Variants in TM4SF4 observed in about 807,000 individuals in gnomAD.
TM4SF4 encodes transmembrane 4 L6 family member 4.
A neutral mutation model predicts 24.1 loss-of-function variants in TM4SF4; 24 were observed. That is an observed-to-expected ratio of 1.00 (90% CI 0.72 to 1.40). TM4SF4 has a LOEUF of 1.40. Among genes scored for constraint, TM4SF4 ranks in the 40% most tolerant of loss-of-function variants. The probability of loss-of-function intolerance (pLI) is 0.00; values close to 1 mark genes in which losing one functional copy is unlikely to be tolerated. For synonymous variants in TM4SF4, 113 were observed against 97.0 expected (o/e 1.17, Z -0.97); for missense variants, 254 against 254.2 (o/e 1.00, Z 0.01).
chr3:149,491,383 T>C (rs951569534), intron 3 of TM4SF4, among the ~76,000 whole-genome samples: 7 of 151,962 alleles, frequency 4.6e-5, no homozygotes, highest in African/African-American at 1.7e-4. Flanking sequence ...GGAGGATCGT[T>C]TGGGCCCAGG....
At chr3:149,479,662 G>A (rs550645187) in intron 2 of TM4SF4, among the ~76,000 whole-genome samples, 1 of 152,302 alleles carries the variant, frequency 6.6e-6, no homozygotes, top group Admixed American at 6.5e-5. Flanking sequence ...TCGGGGACAC[G>A]GGGCTTCTGT....
At position 149,503,279 on chromosome 3, in the gene TM4SF4, C is replaced by T. The variant is rs915660080; in HGVS notation, c.*586C>T. 1 of 151,898 alleles carries T rather than the reference C, an allele frequency of 6.6e-6. No homozygotes were observed. Among genetic ancestry groups the T allele is most frequent in the South Asian group, 2.1e-4 (1 of 4,806 alleles). 9.4% of individuals were successfully genotyped at this position (151,898 alleles called of 1,614,324 possible). A position where few individuals can be genotyped will look rare whatever the true frequency, so the allele number is the denominator to read the frequency against. ...AATTAAAACCTGAATTCAGAGGTAA[C>T]GTAACAAAGATTGTGTGTGTTTTAG... On this transcript the variant is annotated 3_prime_UTR_variant, in exon 5 of 5. Coordinates refer to ENST00000305354, the MANE Select transcript of TM4SF4 (RefSeq NM_004617.4).
chr3:149,488,377 C>T (rs1266365510), intron 3 of TM4SF4, among the ~76,000 whole-genome samples: 1 of 152,124 alleles, frequency 6.6e-6, no homozygotes, highest in African/African-American at 2.4e-5. Context: ...TACTCTGTGC[C>T]AAGGCAGGCT....
intron 3 of TM4SF4, among the ~76,000 whole-genome samples, chr3:149,493,148 G>A (rs1734244132): frequency 6.6e-6 from 1 of 152,110 alleles, no homozygotes; most frequent in Admixed American, 6.5e-5. Flanking sequence ...TGAATATAAA[G>A]TATTATGGTA....
chr3:149,501,252 T>C (rs575675336), intron 4 of TM4SF4, among the ~76,000 whole-genome samples: 2 of 152,188 alleles, frequency 1.3e-5, no homozygotes, highest in Non-Finnish European at 2.9e-5. Context: ...ATGGACTCCA[T>C]GGTTATCAGT....
rs772701256 is a variant in TM4SF4 at position 149,475,792 on chromosome 3, ACT to A, written c.175-24_175-23del. Reference sequence around the variant, plus strand: ...CTCGGGCCCTCCCTTCAACTCCTGGACTCTCTCTGAGGTGCCTCTTCTCCTGG... The same window carrying A: ...CTCGGGCCCTCCCTTCAACTCCTGGACTCTCTGAGGTGCCTCTTCTCCTGG... On this transcript the variant is annotated intron_variant, in intron 1 of 4. Transcript: ENST00000305354. 1.9e-6 allele frequency: 3 copies of A among 1,574,638 alleles called. No individual in the cohort carries two copies. The Admixed American group carries it at 5.5e-5, about 29-fold the overall frequency.
intron 2 of TM4SF4, 128 bp from the exon 3 acceptor site, chr3:149,487,491 C>A: frequency 9.0e-7 from 1 of 1,114,490 alleles, no homozygotes; most frequent in Non-Finnish European, 1.3e-6. Flanking sequence ...GCCCCATCTA[C>A]TATAAAGACT....
chr3:149,475,951 G>C (rs1316530541), intron 2 of TM4SF4, 39 bp downstream of exon 2: 3 of 1,553,946 alleles, frequency 1.9e-6, no homozygotes, highest in Non-Finnish European at 2.6e-6. Flanking sequence ...AATTACTCCA[G>C]GGTGCTCTGT....
chr3:149,488,553 G>A (rs1231950467), intron 3 of TM4SF4, among the ~76,000 whole-genome samples: 1 of 152,162 alleles, frequency 6.6e-6, no homozygotes, highest in Non-Finnish European at 1.5e-5. Flanking sequence ...GCCATATGGA[G>A]CTATTTAAAC....
intron 2 of TM4SF4, among the ~76,000 whole-genome samples, chr3:149,484,358 T>C (rs115966598): frequency 0.034 from 4,815 of 140,276 alleles, 86 homozygotes; most frequent in Middle Eastern, 0.07. Flanking sequence ...AGTGTGCTTA[T>C]TTTAGAATGC....
chr3:149,486,695 G>T (rs1734121795), intron 2 of TM4SF4, among the ~76,000 whole-genome samples: 1 of 152,086 alleles, frequency 6.6e-6, no homozygotes, highest in Non-Finnish European at 1.5e-5. Context: ...TTAAAAGAAT[G>T]GAATTTTTTG....
chr3:149,493,482 A>G (rs1046361317), intron 3 of TM4SF4, among the ~76,000 whole-genome samples: 3 of 152,164 alleles, frequency 2.0e-5, no homozygotes, highest in Non-Finnish European at 2.9e-5. Flanking sequence ...TAAAATGGGT[A>G]TATGTTCATT....
intron 2 of TM4SF4, among the ~76,000 whole-genome samples, chr3:149,486,933 AG>A (rs1306823063): frequency 1.3e-5 from 2 of 152,194 alleles, no homozygotes; most frequent in African/African-American, 4.8e-5. Flanking sequence ...GACTGGCCTT[AG>A]CAGGATAATT....
intron 3 of TM4SF4, among the ~76,000 whole-genome samples, chr3:149,488,559 T>TAAACTCAA (rs1331293817): frequency 1.3e-5 from 2 of 152,218 alleles, no homozygotes; most frequent in Non-Finnish European, 2.9e-5. Flanking sequence ...TGGAGCTATT[T>TAAACTCAA]AAACTCAAAT....
intron 3 of TM4SF4, chr3:149,495,841 A>G (rs138844282): frequency 5.3e-5 from 10 of 188,002 alleles, no homozygotes; most frequent in Non-Finnish European, 1.1e-4. Context: ...TGGGAAGCCC[A>G]TGTGTGTTGA....
intron 2 of TM4SF4, among the ~76,000 whole-genome samples, chr3:149,483,497 A>G (rs34358037): frequency 0.36 from 53,781 of 150,590 alleles, 10,133 homozygotes; most frequent in Non-Finnish European, 0.43. Flanking sequence ...AGTATTTTCC[A>G]AAGTGTTTTC....
chr3:149,495,582 T>C, intron 3 of TM4SF4: 1 of 355,656 alleles, frequency 2.8e-6, no homozygotes, highest in Non-Finnish European at 5.7e-6. Flanking sequence ...CAAAGATTTT[T>C]GTAATGGCAA....
Position 149,498,800 on chromosome 3 carries a change from C to G in TM4SF4, c.480C>G (p.Phe160Leu). The G allele has an allele frequency of 1.2e-6, 2 of 1,614,038 alleles. No homozygotes were observed. The highest frequency in any genetic ancestry group is 1.7e-6 in the Non-Finnish European group (2 of 1,179,886). ...LNVVPWNLTLFSILLVVGGIQ... is the reference protein window; with the variant it reads ...LNVVPWNLTLLSILLVVGGIQ... Reference sequence around the variant, plus strand: ...TGGTTCCCTGGAATCTGACCCTCTTCTCCATCCTGCTGGTCGTAGGAGGAA... The same window carrying G: ...TGGTTCCCTGGAATCTGACCCTCTTGTCCATCCTGCTGGTCGTAGGAGGAA... The change falls in exon 4 of 5, where the codon TTC (phenylalanine) becomes TTG (leucine). Residue 160 changes from phenylalanine (F) to leucine (L), a missense_variant. Physicochemically the swap from Phe to Leu is conservative, Grantham distance 22 (BLOSUM62 0). Coordinates refer to ENST00000305354, the MANE Select transcript of TM4SF4 (RefSeq NM_004617.4).
chr3:149,489,578 A>G (rs954590672), intron 3 of TM4SF4, among the ~76,000 whole-genome samples: 1 of 152,230 alleles, frequency 6.6e-6, no homozygotes, highest in African/African-American at 2.4e-5. Context: ...GGATGGGATC[A>G]ATGCCCAAGA....
Sources: allele counts gnomAD v4.1 joint callset (sites outside exome capture counted in the v4.1 genomes callset), GRCh38; gene constraint gnomAD v4.1.1; transcripts MANE v1.5; gene names NCBI Gene and HGNC (gene_info 2026-07-23, HGNC 2026-07-21).